ABCB10: variants seen among roughly 807,000 people sequenced by gnomAD.
The protein encoded by ABCB10 is ATP-binding cassette sub-family B member 10, mitochondrial.
A neutral mutation model predicts 65.4 loss-of-function variants in ABCB10; 54 were observed. The observed-to-expected ratio is 0.83, with a 90% CI of 0.66 to 1.04. The LOEUF (loss-of-function observed/expected upper bound fraction) is 1.04, where lower values mean the gene tolerates loss of function less well. ABCB10 is among the 50% of genes least tolerant of loss of function. ABCB10 has a pLI of 0.00. For synonymous variants in ABCB10, 418 were observed against 406.5 expected (o/e 1.03, Z -0.34); for missense variants, 846 against 976.6 (o/e 0.87, Z 1.78).
intron 6 of ABCB10, among the ~76,000 whole-genome samples, chr1:229,536,633 T>C (rs1662727793): frequency 1.3e-5 from 2 of 152,202 alleles, no homozygotes; most frequent in Non-Finnish European, 1.5e-5. Context: ...TCTCTCGCTA[T>C]AATGAAATAT....
chr1:229,549,322 G>A lies in ABCB10; in HGVS notation c.630C>T (p.Asn210=). The A allele has an allele frequency of 3.7e-6, 6 of 1,614,084 alleles. No homozygotes were observed. The highest frequency in any genetic ancestry group is 5.1e-6 in the Non-Finnish European group (6 of 1,180,002). The change falls in exon 2 of 13, where the codon AAC becomes AAT. Residue 210 remains asparagine (N), a synonymous_variant. Transcript: ENST00000344517. ...TGAGCCCTAGGCAGAGGCGGGTCAG[G>A]TTGTCGCTGTAGTCCACAGTGGGGT... ...YTNPTVDYSD[N]LTRLCLGLSA...
At chr1:229,527,786 G>C (rs1008692137) in intron 8 of ABCB10, among the ~76,000 whole-genome samples, 5 of 152,328 alleles carry the variant, frequency 3.3e-5, no homozygotes, top group Middle Eastern at 3.4e-3. Flanking sequence ...GCCAGTGTCA[G>C]CAGCTACCTT....
rs1312195769 is a variant in ABCB10 at position 229,517,718 on chromosome 1, A to G, written c.*461T>C. On this transcript the variant is annotated 3_prime_UTR_variant, in exon 13 of 13. Coordinates refer to ENST00000344517, the MANE Select transcript of ABCB10 (RefSeq NM_012089.3). ...ATCGGAATAAAGGGTTAAATTTTCAATTTCCATTATTCTATCTGTAAAATT... is the reference window on the plus strand; with the variant it reads ...ATCGGAATAAAGGGTTAAATTTTCAGTTTCCATTATTCTATCTGTAAAATT... 2 of 155,542 alleles carry G rather than the reference A, an allele frequency of 1.3e-5. No homozygotes were observed. Among genetic ancestry groups the G allele is most frequent in the African/African-American group, 4.8e-5 (2 of 41,494 alleles). The allele number at this position is 155,542 out of a possible 1,614,324, so 9.6% of individuals were successfully genotyped here.
intron 8 of ABCB10, among the ~76,000 whole-genome samples, chr1:229,528,483 C>G (rs1662494714): frequency 6.6e-6 from 1 of 151,644 alleles, no homozygotes; most frequent in African/African-American, 2.4e-5. Flanking sequence ...TTTTTTTAAA[C>G]TCCAAATTTT....
intron 6 of ABCB10, among the ~76,000 whole-genome samples, chr1:229,536,016 G>A (rs556856636): frequency 2.0e-5 from 3 of 152,202 alleles, no homozygotes; most frequent in Non-Finnish European, 2.9e-5. Flanking sequence ...GTGAGCCACT[G>A]CGCCCAGCTG....
chr1:229,518,418 A>G lies in ABCB10; in HGVS notation c.1986-8T>C, dbSNP rs752952060. ...TTTTCGGCATCCAGCGCACTGACAC[A>G]GGAGCACACACACAAGAAAGCAAAG... is the stretch of plus-strand genomic sequence containing the variant. On this transcript the variant is annotated splice_region_variant and splice_polypyrimidine_tract_variant and intron_variant, in intron 12 of 12. Coordinates refer to ENST00000344517, the MANE Select transcript of ABCB10 (RefSeq NM_012089.3). The G allele has an allele frequency of 4.3e-6, 7 of 1,611,958 alleles. No homozygotes were observed. In the Admixed American group the frequency reaches 5.0e-5, roughly 12 times the overall value.
intron 6 of ABCB10, among the ~76,000 whole-genome samples, chr1:229,534,278 CTGGGGTGGA>C (rs1229621124): frequency 6.6e-6 from 1 of 152,168 alleles, no homozygotes; most frequent in African/African-American, 2.4e-5. Flanking sequence ...CCACTAAATG[CTGGGGTGGA>C]TGTGGAGCAA....
At chr1:229,535,851 G>A (rs757500591) in intron 6 of ABCB10, among the ~76,000 whole-genome samples, 3 of 151,840 alleles carry the variant, frequency 2.0e-5, no homozygotes, top group Non-Finnish European at 2.9e-5. Flanking sequence ...TCAGTCTCCC[G>A]AGTAGCTGGG....
chr1:229,518,877 T>C lies in ABCB10; in HGVS notation c.1951-2A>G. On this transcript the variant is annotated splice_acceptor_variant, in intron 11 of 12. Coordinates refer to ENST00000344517, the MANE Select transcript of ABCB10 (RefSeq NM_012089.3). LOFTEE classifies it high-confidence loss of function. ...ATCTAGGAGAAGAATTTTGGGATTC[T>C]GAAGAAGGAAAAAAAAGGAAAAGAT... 4 of 1,593,788 alleles carry C rather than the reference T, an allele frequency of 2.5e-6. No individual in the cohort carries two copies. The highest frequency in any genetic ancestry group is 2.6e-6 in the Non-Finnish European group (3 of 1,169,580).
At chr1:229,543,272 T>C (rs983971479) in intron 3 of ABCB10, among the ~76,000 whole-genome samples, 7 of 152,212 alleles carry the variant, frequency 4.6e-5, no homozygotes, top group Admixed American at 3.9e-4. Context: ...GGGCTCAATA[T>C]ACTGAGGAGC....
intron 3 of ABCB10, among the ~76,000 whole-genome samples, chr1:229,546,260 C>T (rs1662964984): frequency 1.3e-5 from 2 of 150,984 alleles, no homozygotes; most frequent in Admixed American, 1.3e-4. Context: ...TTTCTTAATA[C>T]CATTTCTTTT....
chr1:229,540,469 A>T (rs1662817505), intron 5 of ABCB10, 137 bp downstream of exon 5: 1 of 898,032 alleles, frequency 1.1e-6, no homozygotes, highest in Admixed American at 3.3e-5. Flanking sequence ...TTTTAAAGAA[A>T]GTCATTCTTG....
chr1:229,558,649 G>A lies in ABCB10; in HGVS notation c.4C>T (p.Arg2Ter), dbSNP rs1028410673. 7.4e-7 allele frequency: 1 copy of A among 1,350,464 alleles called. No homozygotes were observed. Among genetic ancestry groups the A allele is most frequent in the Non-Finnish European group, 9.5e-7 (1 of 1,053,638 alleles). The allele number at this position is 1,350,464 out of a possible 1,614,324, so 83.7% of individuals were successfully genotyped here. ...CGCAGCGGCCAGGCAGGGGGGCCTC[G>A]CATGGCGCTGCGTGCGACCCGTACG... M[R>*]GPPAWPLRLL... Residue 2 changes from arginine to a stop codon, truncating the protein, a stop_gained, in exon 1 of 13, where the codon CGA (arginine) becomes TGA (stop). Transcript: ENST00000344517. LOFTEE classifies it high-confidence loss of function.
intron 12 of ABCB10, among the ~76,000 whole-genome samples, chr1:229,518,613 G>T (rs1442736816): frequency 1.3e-5 from 2 of 152,182 alleles, no homozygotes; most frequent in East Asian, 3.8e-4. Flanking sequence ...AGAGTGATTA[G>T]GATTGATGGC....
intron 11 of ABCB10, among the ~76,000 whole-genome samples, chr1:229,519,679 C>T (rs1662256222): frequency 6.6e-6 from 1 of 152,228 alleles, no homozygotes; most frequent in South Asian, 2.1e-4. Context: ...ATCCCAGCTA[C>T]TCTGGATGCT....
chr1:229,554,787 C>A (rs1188277617), intron 1 of ABCB10, among the ~76,000 whole-genome samples: 2 of 152,194 alleles, frequency 1.3e-5, no homozygotes, highest in South Asian at 2.1e-4. Flanking sequence ...TCCCAGCCCC[C>A]ACAGGGCACT....
chr1:229,544,358 A>G (rs1278278755), intron 3 of ABCB10, among the ~76,000 whole-genome samples: 1 of 146,306 alleles, frequency 6.8e-6, no homozygotes, highest in African/African-American at 2.5e-5. Flanking sequence ...CAGAGGTTGC[A>G]GTGAGCCAAG....
chr1:229,543,150 A>C (rs1442965074), intron 3 of ABCB10, among the ~76,000 whole-genome samples: 3 of 150,200 alleles, frequency 2.0e-5, no homozygotes, highest in South Asian at 4.2e-4. Context: ...AAAAAAAAAA[A>C]CAGCACATTG....
Position 229,558,623 on chromosome 1 carries a change from C to T in ABCB10, c.30G>A (p.Arg10=). 1 of 1,409,864 alleles carries T rather than the reference C, an allele frequency of 7.1e-7. No homozygotes were observed. The highest frequency in any genetic ancestry group is 9.2e-7 in the Non-Finnish European group (1 of 1,081,990). The allele number at this position is 1,409,864 out of a possible 1,614,324, so 87.3% of individuals were successfully genotyped here. A position where few individuals can be genotyped will look rare whatever the true frequency, so the allele number is the denominator to read the frequency against. The change falls in exon 1 of 13, where the codon CGG becomes CGA. Residue 10 remains arginine, a synonymous_variant. Coordinates refer to ENST00000344517, the MANE Select transcript of ABCB10 (RefSeq NM_012089.3). The part of the protein sequence containing the change: MRGPPAWPL[R]LLEPPSPAEP... ...CGGCAGGGCTCGGTGGCTCGAGCAGCCGCAGCGGCCAGGCAGGGGGGCCTC... is the reference window on the plus strand; with the variant it reads ...CGGCAGGGCTCGGTGGCTCGAGCAGTCGCAGCGGCCAGGCAGGGGGGCCTC...
Sources: gnomAD v4.1 joint callset for allele counts (sites outside exome capture counted in the v4.1 genomes callset) on GRCh38, gnomAD v4.1.1 for gene constraint, MANE v1.5 for transcripts, NCBI Gene and HGNC (gene_info 2026-07-23, HGNC 2026-07-21) for gene names.